SEMA6D: variants seen among roughly 807,000 people sequenced by gnomAD.
SEMA6D encodes the protein semaphorin-6D.
SEMA6D carries 35 observed loss-of-function variants against 106.6 expected under a neutral mutation model. The ratio of observed to expected loss-of-function variants is 0.33; its 90% CI spans 0.25 to 0.44. The LOEUF is 0.44. Ranked by LOEUF, SEMA6D falls within the 20% of genes least tolerant of loss-of-function variation. The pLI is 1.00. For synonymous variants in SEMA6D, 499 were observed against 487.7 expected (o/e 1.02, Z -0.31); for missense variants, 1,185 against 1,345.9 (o/e 0.88, Z 1.87).
chr15:47,652,966 A>G (rs2077721436), intron 4 of SEMA6D, among the ~76,000 whole-genome samples: 1 of 152,212 alleles, frequency 6.6e-6, no homozygotes, highest in African/African-American at 2.4e-5. Context: ...ATTTTGAAAC[A>G]TACAAGAGCC....
upstream of SEMA6D, among the ~76,000 whole-genome samples, chr15:47,712,596 A>T (rs1425946146): frequency 6.6e-6 from 1 of 152,192 alleles, no homozygotes; most frequent in Non-Finnish European, 1.5e-5. Flanking sequence ...GCAAATAATA[A>T]TAATATTAGG....
chr15:47,692,395 A>G (rs2078607359), intron 4 of SEMA6D, among the ~76,000 whole-genome samples: 1 of 152,108 alleles, frequency 6.6e-6, no homozygotes, highest in South Asian at 2.1e-4. Flanking sequence ...GCTTTCCTGC[A>G]TCTCCCATAC....
intron 2 of SEMA6D, 70 bp from the exon 3 acceptor site, chr15:47,760,233 TA>T: frequency 9.7e-7 from 1 of 1,034,314 alleles, no homozygotes; most frequent in Non-Finnish European, 1.5e-6. Context: ...TATATACAGC[TA>T]ATCAATGCTG....
At chr15:47,701,407 A>C (rs1055633269) in intron 4 of SEMA6D, among the ~76,000 whole-genome samples, 1 of 152,170 alleles carries the variant, frequency 6.6e-6, no homozygotes, top group African/African-American at 2.4e-5. Context: ...ACAAAATTTC[A>C]GTTAGATAGG....
chr15:47,529,603 T>TAAAAAA (rs67339779), intron 3 of SEMA6D, among the ~76,000 whole-genome samples: 8 of 135,748 alleles, frequency 5.9e-5, no homozygotes, highest in Admixed American at 7.4e-5. Flanking sequence ...TCTGTAGCAC[T>TAAAAAA]AAAAAAAAAA....
At chr15:47,337,792 T>C (rs142910419) in intron 1 of SEMA6D, among the ~76,000 whole-genome samples, 31 of 152,252 alleles carry the variant, frequency 2.0e-4, no homozygotes, top group African/African-American at 6.5e-4. Flanking sequence ...TCTCTGTCTT[T>C]ATGGTTGATC....
chr15:47,273,779 G>A (rs59471478), intron 1 of SEMA6D, among the ~76,000 whole-genome samples: 155 of 152,286 alleles, frequency 1.0e-3, no homozygotes, highest in Non-Finnish European at 1.8e-3. Context: ...AGCTCTTTCA[G>A]TTGGCACTGG....
chr15:47,746,576 A>G (rs150422339), intron 1 of SEMA6D, among the ~76,000 whole-genome samples: 2 of 152,222 alleles, frequency 1.3e-5, no homozygotes, highest in Admixed American at 6.5e-5. Flanking sequence ...AGTCAGTAGC[A>G]TCAGAACAAA....
intron 4 of SEMA6D, 32 bp downstream of exon 4, chr15:47,761,070 C>G (rs368693350): frequency 8.7e-6 from 14 of 1,611,610 alleles, no homozygotes; most frequent in African/African-American, 4.0e-5. Context: ...ATTTATTTAC[C>G]TTCCCTCTGA....
At chr15:47,533,884 G>A (rs747210004) in intron 3 of SEMA6D, among the ~76,000 whole-genome samples, 9 of 152,196 alleles carry the variant, frequency 5.9e-5, no homozygotes, top group Middle Eastern at 3.2e-3. Context: ...CTGATTGGAT[G>A]AAAGAGTCAA....
intron 1 of SEMA6D, among the ~76,000 whole-genome samples, chr15:47,353,173 A>C (rs570485343): frequency 1.2e-4 from 18 of 152,138 alleles, no homozygotes; most frequent in African/African-American, 3.9e-4. Context: ...AGGGCCTCAC[A>C]AAAGATCCTG....
At chr15:47,245,007 G>T (rs2033124223) in intron 1 of SEMA6D, among the ~76,000 whole-genome samples, 1 of 148,380 alleles carries the variant, frequency 6.7e-6, no homozygotes, top group African/African-American at 2.5e-5. Flanking sequence ...CTCTATCCAT[G>T]CTGCTGCAAA....
chr15:47,188,881 G>C (rs917676583), intron 1 of SEMA6D, among the ~76,000 whole-genome samples: 9 of 152,112 alleles, frequency 5.9e-5, no homozygotes, highest in Non-Finnish European at 2.9e-5. Flanking sequence ...TGGCTGGGTG[G>C]AGAAGCCATA....
intron 3 of SEMA6D, among the ~76,000 whole-genome samples, chr15:47,478,079 C>T (rs2043049160): frequency 6.6e-6 from 1 of 152,054 alleles, no homozygotes; most frequent in Non-Finnish European, 1.5e-5. Flanking sequence ...ATTTCTCAAC[C>T]CCTTTTAACT....
chr15:47,685,722 C>T lies in SEMA6D; in HGVS notation c.-54-74023C>T, dbSNP rs575531009. On this transcript the variant is annotated intron_variant, in intron 4 of 19. Transcript: ENST00000558014. ...TCAAACCAACACAGCTATGGTAGAA[C>T]ATGTGAACAAGGATCCTGGAGACAG... is the stretch of plus-strand genomic sequence containing the variant. Among the ~76,000 whole-genome samples, 7 of 152,230 alleles carry T rather than the reference C, an allele frequency of 4.6e-5. No homozygotes were observed. The East Asian group carries it at 1.4e-3, about 29-fold the overall frequency.
chr15:47,739,981 CT>C (rs935975067), intron 1 of SEMA6D, among the ~76,000 whole-genome samples: 73 of 152,180 alleles, frequency 4.8e-4, no homozygotes, highest in Non-Finnish European at 9.6e-4. Context: ...CAATTATTTT[CT>C]ACTTTTAATA....
rs932289947 is a variant in SEMA6D, at chr15:47,704,950, GT to G, written c.-54-54787del. ...GAGCTATAATCAAGTTGTACTTAAAGTTTTTTTTAAAAAAGGTTCTATAATA... is the reference window on the plus strand; with the variant it reads ...GAGCTATAATCAAGTTGTACTTAAAGTTTTTTTAAAAAAGGTTCTATAATA... On this transcript the variant is annotated intron_variant, in intron 4 of 19. Transcript: ENST00000558014. Among the ~76,000 whole-genome samples the G allele has an allele frequency of 3.0e-3, 451 of 151,974 alleles. 2 individuals carry two copies. Among genetic ancestry groups the G allele is most frequent in the African/African-American group, 0.011 (438 of 41,458 alleles).
intron 1 of SEMA6D, among the ~76,000 whole-genome samples, chr15:47,338,647 A>G (rs2037674040): frequency 6.6e-6 from 1 of 152,230 alleles, no homozygotes; most frequent in South Asian, 2.1e-4. Context: ...CTAGTTATTA[A>G]TGACTGAATG....
intron 3 of SEMA6D, among the ~76,000 whole-genome samples, chr15:47,488,205 T>C (rs1196526919): frequency 1.3e-5 from 2 of 152,164 alleles, no homozygotes; most frequent in Non-Finnish European, 2.9e-5. Context: ...GTTGAAAGGG[T>C]GCAGAAATAC....
Sources: allele counts gnomAD v4.1 joint callset (sites outside exome capture counted in the v4.1 genomes callset), GRCh38; gene constraint gnomAD v4.1.1; transcripts MANE v1.5; gene names NCBI Gene and HGNC (gene_info 2026-07-23, HGNC 2026-07-21).